The following RAD51B variants were observed in gnomAD, a reference collection of about 807,000 sequenced individuals.
The protein encoded by RAD51B is RAD51 paralog B.
RAD51B carries 38 observed loss-of-function variants against 42.2 expected under a neutral mutation model. The ratio of observed to expected loss-of-function variants is 0.90; its 90% CI spans 0.70 to 1.18. The LOEUF (loss-of-function observed/expected upper bound fraction) is 1.18, where lower values mean the gene tolerates loss of function less well. Among genes scored for constraint, RAD51B ranks in the 50% most tolerant of loss-of-function variants. The probability of loss-of-function intolerance (pLI) is 0.00; values close to 1 mark genes in which losing one functional copy is unlikely to be tolerated. For synonymous variants in RAD51B, 154 were observed against 145.2 expected, an observed-to-expected ratio of 1.06 and a Z score of -0.43; for missense variants, 373 against 400.7, an observed-to-expected ratio of 0.93 and a Z score of 0.59.
At chr14:67,845,182 T>C (rs1408852527) in intron 4 of RAD51B, among the ~76,000 whole-genome samples, 2 of 152,242 alleles carry the variant, frequency 1.3e-5, no homozygotes, top group African/African-American at 4.8e-5. Context: ...GTTTGTGTTG[T>C]TGCTTTATAG....
chr14:68,630,505 C>T (rs1217990121), intron 10 of RAD51B, among the ~76,000 whole-genome samples: 2 of 152,142 alleles, frequency 1.3e-5, no homozygotes, highest in African/African-American at 4.8e-5. Flanking sequence ...TACCCCACCC[C>T]CCATGCACCT....
intron 9 of RAD51B, among the ~76,000 whole-genome samples, chr14:68,441,534 T>A (rs1239794490): frequency 1.3e-5 from 1 of 74,276 alleles, no homozygotes. Context: ...AGAGCAAGAC[T>A]CCATCTCAAA....
intron 7 of RAD51B, among the ~76,000 whole-genome samples, chr14:68,283,736 GC>G (rs2081363622): frequency 6.6e-6 from 1 of 152,172 alleles, no homozygotes; most frequent in African/African-American, 2.4e-5. Context: ...CAGTGGGGCA[GC>G]CAGCAGTGGA....
At chr14:68,258,258 AGGCGTGGT>A (rs1366630616) in intron 7 of RAD51B, among the ~76,000 whole-genome samples, 5 of 152,194 alleles carry the variant, frequency 3.3e-5, no homozygotes, top group East Asian at 3.9e-4. Flanking sequence ...AACATTAGCC[AGGCGTGGT>A]GGTGTTCACT....
chr14:68,052,307 A>G (rs1427284819), intron 7 of RAD51B, among the ~76,000 whole-genome samples: 1 of 152,196 alleles, frequency 6.6e-6, no homozygotes, highest in African/African-American at 2.4e-5. Flanking sequence ...ATAATAACTA[A>G]CATTTAATAT....
chr14:67,899,209 ATT>A (rs1286049407), intron 7 of RAD51B, among the ~76,000 whole-genome samples: 1 of 144,662 alleles, frequency 6.9e-6, no homozygotes, highest in Non-Finnish European at 1.5e-5. Flanking sequence ...CGCCCGGCTA[ATT>A]TTTTTTTTTT....
At chr14:67,997,670 T>C (rs1244131447) in intron 7 of RAD51B, among the ~76,000 whole-genome samples, 1 of 152,188 alleles carries the variant, frequency 6.6e-6, no homozygotes, top group Non-Finnish European at 1.5e-5. Context: ...ATATGGTAAA[T>C]TTTTGGCCAT....
intron 4 of RAD51B, among the ~76,000 whole-genome samples, chr14:67,838,075 A>G (rs1226163044): frequency 6.6e-6 from 1 of 152,150 alleles, no homozygotes; most frequent in African/African-American, 2.4e-5. Flanking sequence ...ATTTTACTCA[A>G]CATAATGACC....
chr14:68,045,078 A>G (rs1042225279), intron 7 of RAD51B, among the ~76,000 whole-genome samples: 1 of 151,862 alleles, frequency 6.6e-6, no homozygotes, highest in Non-Finnish European at 1.5e-5. Context: ...CTCTACTAAA[A>G]ATACAAAATT....
At chr14:68,097,375 A>G (rs564780947) in intron 7 of RAD51B, among the ~76,000 whole-genome samples, 1 of 152,210 alleles carries the variant, frequency 6.6e-6, no homozygotes, top group Admixed American at 6.5e-5. Context: ...GAACATTTAT[A>G]TAGAATGGAT....
At chr14:68,398,974 A>C (rs1434454183) in intron 8 of RAD51B, among the ~76,000 whole-genome samples, 1 of 152,188 alleles carries the variant, frequency 6.6e-6, no homozygotes, top group Non-Finnish European at 1.5e-5. Context: ...CATCACCTCC[A>C]AAGATTCTGA....
intron 7 of RAD51B, among the ~76,000 whole-genome samples, chr14:68,061,052 TC>T (rs144177310): frequency 7.8e-6 from 1 of 127,716 alleles, no homozygotes; most frequent in Non-Finnish European, 1.6e-5. Context: ...GTATTTGAGG[TC>T]TTTTTTTTTT....
chr14:68,265,680 A>G (rs535250337), intron 7 of RAD51B, among the ~76,000 whole-genome samples: 1 of 152,320 alleles, frequency 6.6e-6, no homozygotes, highest in Non-Finnish European at 1.5e-5. Flanking sequence ...TGAACCCAGG[A>G]GGCGGAGGTT....
intron 6 of RAD51B, chr14:67,886,787 G>T (rs991617611): frequency 3.1e-6 from 1 of 327,106 alleles, no homozygotes; most frequent in Admixed American, 4.4e-5. Flanking sequence ...GAATTGGAGC[G>T]TTAACATTAT....
chr14:68,098,839 G>A (rs1393425038), intron 7 of RAD51B, among the ~76,000 whole-genome samples: 2 of 152,216 alleles, frequency 1.3e-5, no homozygotes, highest in Non-Finnish European at 2.9e-5. Context: ...TATCTAAAGA[G>A]GGAGCCTTTG....
intron 9 of RAD51B, among the ~76,000 whole-genome samples, chr14:68,464,098 T>A (rs1227087832): frequency 6.6e-6 from 1 of 152,232 alleles, no homozygotes; most frequent in East Asian, 1.9e-4. Flanking sequence ...TAAAATTGCA[T>A]CCCAAACAAT....
chr14:67,979,687 A>G (rs527718745), intron 7 of RAD51B, among the ~76,000 whole-genome samples: 1 of 152,206 alleles, frequency 6.6e-6, no homozygotes, highest in African/African-American at 2.4e-5. Flanking sequence ...AGCTTCTACT[A>G]TTATTATTTT....
At position 68,156,455 on chromosome 14, in the gene RAD51B, T is replaced by TTCTCTCTCTCTCTCTCTC. The variant is rs10650896; in HGVS notation, c.757-135405_757-135388dup. ...AAGTCAAGAAAGCACCTTAGAAAAT[T>TTCTCTCTCTCTCTCTCTC]TCTCTCTCTCTCTCTCTCTCTCTCT... is the stretch of plus-strand genomic sequence containing the variant. On this transcript the variant is annotated intron_variant, in intron 7 of 10. Coordinates refer to ENST00000471583, the MANE Select transcript of RAD51B (RefSeq NM_133510.4). Among the ~76,000 whole-genome samples the TTCTCTCTCTCTCTCTCTC allele has an allele frequency of 6.5e-3, 739 of 114,296 alleles. 25 individuals carry two copies. Among genetic ancestry groups the TTCTCTCTCTCTCTCTCTC allele is most frequent in the African/African-American group, 9.3e-3 (268 of 28,928 alleles). 75.0% of individuals were successfully genotyped at this position (114,296 alleles called of 152,430 possible).
At chr14:68,612,570 CACAGAG>C (rs1185856828), downstream of RAD51B, among the ~76,000 whole-genome samples, 1 of 152,064 alleles carries the variant, frequency 6.6e-6, no homozygotes, top group Non-Finnish European at 1.5e-5. Flanking sequence ...GAGTCAAATT[CACAGAG>C]ACAGAAAGTA....
Sources: gnomAD v4.1 joint callset for allele counts (sites outside exome capture counted in the v4.1 genomes callset) on GRCh38, gnomAD v4.1.1 for gene constraint, MANE v1.5 for transcripts, NCBI Gene and HGNC (gene_info 2026-07-23, HGNC 2026-07-21) for gene names.